Variants in FOXJ3 observed in about 807,000 individuals in gnomAD.
FOXJ3 encodes the protein forkhead box J3.
A neutral mutation model predicts 76.1 loss-of-function variants in FOXJ3; 22 were observed. The ratio of observed to expected loss-of-function variants is 0.29; its 90% CI spans 0.21 to 0.41. The LOEUF is 0.41. FOXJ3 is among the 10% of genes least tolerant of loss of function. FOXJ3 has a pLI of 1.00. For missense variants in FOXJ3, 613 were observed against 762.1 expected, an observed-to-expected ratio of 0.80 and a Z score of 2.30; for synonymous variants, 269 against 261.2, an observed-to-expected ratio of 1.03 and a Z score of -0.29.
chr1:42,331,361 G>A (rs548529912), intron 1 of FOXJ3, among the ~76,000 whole-genome samples: 4 of 151,994 alleles, frequency 2.6e-5, no homozygotes, highest in African/African-American at 4.8e-5. Context: ...CAGCCTAGGC[G>A]ACAGAGAGAA....
intron 4 of FOXJ3, among the ~76,000 whole-genome samples, chr1:42,241,448 A>C (rs1649134982): frequency 1.3e-5 from 2 of 152,176 alleles, no homozygotes; most frequent in African/African-American, 4.8e-5. Flanking sequence ...AGTACACCTA[A>C]GGACAAGCCA....
At chr1:42,209,932 C>T (rs1646933784) in intron 5 of FOXJ3, among the ~76,000 whole-genome samples, 1 of 152,180 alleles carries the variant, frequency 6.6e-6, no homozygotes, top group Non-Finnish European at 1.5e-5. Flanking sequence ...GGTGTCCCTG[C>T]TTTGCAGGCA....
intron 4 of FOXJ3, among the ~76,000 whole-genome samples, chr1:42,250,350 A>G (rs1649924178): frequency 6.6e-6 from 1 of 152,186 alleles, no homozygotes; most frequent in South Asian, 2.1e-4. Flanking sequence ...AGATAAGGAT[A>G]ATACGTCATA....
Position 42,276,839 on chromosome 1 carries a change from A to G in FOXJ3, c.369+1509T>C, listed in dbSNP as rs895460955. Reference sequence around the variant, plus strand: ...TGATATGTTATGCACAAAAGGCCATATCGGTATTATTCTTCCCAAAAATGT... The same window carrying G: ...TGATATGTTATGCACAAAAGGCCATGTCGGTATTATTCTTCCCAAAAATGT... On this transcript the variant is annotated intron_variant, in intron 3 of 12. Transcript: ENST00000361346. 7.0e-4 allele frequency among the ~76,000 whole-genome samples: 106 copies of G among 152,238 alleles called. 1 individual carries two copies. The highest frequency in any genetic ancestry group is 1.4e-3 in the Non-Finnish European group (97 of 68,040).
At chr1:42,222,109 A>AAGG (rs1491220444) in intron 5 of FOXJ3, among the ~76,000 whole-genome samples, 1 of 147,614 alleles carries the variant, frequency 6.8e-6, no homozygotes, top group Non-Finnish European at 1.5e-5. Flanking sequence ...GAAGAAGAAG[A>AAGG]AATAAAAAGT....
intron 2 of FOXJ3, among the ~76,000 whole-genome samples, chr1:42,307,529 T>C (rs1654541509): frequency 6.6e-6 from 1 of 152,228 alleles, no homozygotes; most frequent in African/African-American, 2.4e-5. Flanking sequence ...ATCAATTCTA[T>C]TAAAGTATTA....
chr1:42,188,855 A>G lies in FOXJ3; in HGVS notation c.1527T>C (p.Cys509=), dbSNP rs748690350. 12 of 1,613,394 alleles carry G rather than the reference A, an allele frequency of 7.4e-6. No homozygotes were observed. The highest frequency in any genetic ancestry group is 9.3e-6 in the Non-Finnish European group (11 of 1,179,530). The change falls in exon 11 of 13, where the codon TGT becomes TGC. Residue 509 remains cysteine, a synonymous_variant. Transcript: ENST00000361346. ...SLDQVQFADL[C]SSLNQFFTQT... is the part of the protein sequence containing the mutation. ...GTGTAAAGAACTGATTAAGAGAAGA[A>G]CAAAGATCGGCAAACTGAACCTGGT...
intron 1 of FOXJ3, among the ~76,000 whole-genome samples, chr1:42,329,332 T>A (rs1371081528): frequency 6.6e-6 from 1 of 152,228 alleles, no homozygotes; most frequent in African/African-American, 2.4e-5. Flanking sequence ...CTTTTCCAAT[T>A]TCAGAGTAAG....
At chr1:42,217,514 C>T (rs1647095475) in intron 5 of FOXJ3, among the ~76,000 whole-genome samples, 1 of 151,054 alleles carries the variant, frequency 6.6e-6, no homozygotes. Context: ...GGCGACAGGG[C>T]AAGACTCCGC....
At chr1:42,211,244 T>C (rs778882509) in intron 5 of FOXJ3, among the ~76,000 whole-genome samples, 5 of 152,130 alleles carry the variant, frequency 3.3e-5, no homozygotes, top group Non-Finnish European at 5.9e-5. Context: ...TGGAACACTT[T>C]GGGGTAACTG....
At chr1:42,267,932 T>C (rs942307404) in intron 3 of FOXJ3, among the ~76,000 whole-genome samples, 1 of 151,938 alleles carries the variant, frequency 6.6e-6, no homozygotes, top group Non-Finnish European at 1.5e-5. Flanking sequence ...AAACAGAGAC[T>C]GGCACATTCA....
intron 11 of FOXJ3, among the ~76,000 whole-genome samples, chr1:42,186,745 A>T (rs1646444419): frequency 6.6e-6 from 1 of 152,166 alleles, no homozygotes; most frequent in Non-Finnish European, 1.5e-5. Flanking sequence ...TTCCAAGACC[A>T]AAAGGTACAC....
chr1:42,295,352 C>A (rs1470893468), intron 2 of FOXJ3, among the ~76,000 whole-genome samples: 2 of 152,056 alleles, frequency 1.3e-5, no homozygotes, highest in Non-Finnish European at 2.9e-5. Context: ...AGGATAATAA[C>A]CTCCAACTCC....
At position 42,191,732 on chromosome 1, in the gene FOXJ3, C is replaced by G; in HGVS notation, c.935-13G>C. On this transcript the variant is annotated splice_polypyrimidine_tract_variant and intron_variant, in intron 8 of 12. Coordinates refer to ENST00000361346, the MANE Select transcript of FOXJ3 (RefSeq NM_014947.5). The stretch of plus-strand genomic sequence containing the variant: ...ATGTTCATCAAACCTAAAAACAAAG[C>G]AAGATCATTTATGGTCAGATTTCAG... 6.2e-7 allele frequency: 1 copy of G among 1,603,250 alleles called. No homozygotes were observed. The highest frequency in any genetic ancestry group is 8.5e-7 in the Non-Finnish European group (1 of 1,171,068).
At chr1:42,232,330 G>T (rs1431519131) in intron 4 of FOXJ3, among the ~76,000 whole-genome samples, 8 of 148,420 alleles carry the variant, frequency 5.4e-5, no homozygotes. Flanking sequence ...GGATGGCTGG[G>T]TCAAATGGTA....
chr1:42,291,083 T>TAGATAGACAGACAGACAGATAGAC (rs1553167260), intron 2 of FOXJ3, among the ~76,000 whole-genome samples: 1 of 126,388 alleles, frequency 7.9e-6, no homozygotes, highest in African/African-American at 2.9e-5. Context: ...GATAGATAGA[T>TAGATAGACAGACAGACAGATAGAC]AGACAGACAG....
intron 4 of FOXJ3, among the ~76,000 whole-genome samples, chr1:42,250,820 A>G (rs1456464106): frequency 3.7e-4 from 56 of 149,500 alleles, no homozygotes; most frequent in Non-Finnish European, 7.3e-4. Flanking sequence ...AAAAAAAAAA[A>G]GTCCAGTAAT....
At chr1:42,202,127 A>G (rs1646775775) in intron 6 of FOXJ3, among the ~76,000 whole-genome samples, 1 of 152,062 alleles carries the variant, frequency 6.6e-6, no homozygotes, top group Non-Finnish European at 1.5e-5. Context: ...TCATTTTTGA[A>G]AGCTTTTTAT....
intron 2 of FOXJ3, among the ~76,000 whole-genome samples, chr1:42,294,593 T>C (rs899124804): frequency 6.6e-6 from 1 of 151,916 alleles, no homozygotes; most frequent in Non-Finnish European, 1.5e-5. Context: ...ACCCCATCTC[T>C]ACTAAAAATA....
Sources: allele counts gnomAD v4.1 joint callset (sites outside exome capture counted in the v4.1 genomes callset), GRCh38; gene constraint gnomAD v4.1.1; transcripts MANE v1.5; gene names NCBI Gene and HGNC (gene_info 2026-07-23, HGNC 2026-07-21).